Variants in THSD7B observed in about 807,000 individuals in gnomAD.
The protein encoded by THSD7B is thrombospondin type 1 domain containing 7B.
In THSD7B, 138 loss-of-function variants were observed where a neutral mutation model predicts 213.6. The ratio of observed to expected loss-of-function variants is 0.65; its 90% confidence interval spans 0.56 to 0.74. The LOEUF (loss-of-function observed/expected upper bound fraction) is 0.74. Among genes scored for constraint, THSD7B ranks in the 30% least tolerant of loss-of-function variants. The probability of loss-of-function intolerance (pLI) is 0.00; values close to 1 mark genes in which losing one functional copy is unlikely to be tolerated. For missense variants in THSD7B, 1,931 were observed against 1,991.5 expected, an observed-to-expected ratio of 0.97 and a Z score of 0.58; for synonymous variants, 742 against 687.0, an observed-to-expected ratio of 1.08 and a Z score of -1.25.
At chr2:137,407,829 G>C (rs1301512544) in intron 13 of THSD7B, among the ~76,000 whole-genome samples, 1 of 151,752 alleles carries the variant, frequency 6.6e-6, no homozygotes, top group Non-Finnish European at 1.5e-5. Flanking sequence ...GTCATCACAG[G>C]TTTTAGACTC....
chr2:137,202,305 C>CTA (rs1371464000), intron 7 of THSD7B, among the ~76,000 whole-genome samples: 2 of 151,964 alleles, frequency 1.3e-5, no homozygotes, highest in Non-Finnish European at 2.9e-5. Context: ...AGGGTGTCTG[C>CTA]TAATGTGGTT....
chr2:137,283,549 T>C (rs1683089019), intron 12 of THSD7B, among the ~76,000 whole-genome samples: 1 of 152,186 alleles, frequency 6.6e-6, no homozygotes. Flanking sequence ...CATAGATAGC[T>C]CTTATTATTT....
chr2:137,075,280 C>A (rs991220353), intron 3 of THSD7B, among the ~76,000 whole-genome samples: 1 of 152,086 alleles, frequency 6.6e-6, no homozygotes, highest in African/African-American at 2.4e-5. Flanking sequence ...AGGCTTTGTT[C>A]ATTTCTTTTT....
chr2:137,306,656 T>C (rs1683753942), intron 12 of THSD7B, among the ~76,000 whole-genome samples: 1 of 152,074 alleles, frequency 6.6e-6, no homozygotes, highest in South Asian at 2.1e-4. Flanking sequence ...TTTCATGCTG[T>C]CCTGTCTTTT....
chr2:137,405,368 T>C (rs1686491506), intron 12 of THSD7B, among the ~76,000 whole-genome samples: 1 of 152,168 alleles, frequency 6.6e-6, no homozygotes, highest in Non-Finnish European at 1.5e-5. Flanking sequence ...CTGGAAGTTA[T>C]TTTGGTTGCT....
chr2:137,416,960 T>G (rs1189772378), intron 14 of THSD7B, among the ~76,000 whole-genome samples: 1 of 152,238 alleles, frequency 6.6e-6, no homozygotes, highest in Non-Finnish European at 1.5e-5. Flanking sequence ...CATCAAATTA[T>G]GAAATGAAAA....
intron 5 of THSD7B, among the ~76,000 whole-genome samples, chr2:137,142,938 C>A (rs932041646): frequency 6.6e-6 from 1 of 152,122 alleles, no homozygotes; most frequent in Non-Finnish European, 1.5e-5. Context: ...CTCCCTCAAT[C>A]TATTCATGCA....
intron 21 of THSD7B, among the ~76,000 whole-genome samples, chr2:137,646,270 G>A (rs1683029168): frequency 6.6e-6 from 1 of 152,064 alleles, no homozygotes; most frequent in Non-Finnish European, 1.5e-5. Context: ...TTATAAAAGA[G>A]GCCTGAAGGA....
intron 5 of THSD7B, among the ~76,000 whole-genome samples, chr2:137,121,828 G>A (rs1688552318): frequency 6.6e-6 from 1 of 152,156 alleles, no homozygotes; most frequent in South Asian, 2.1e-4. Flanking sequence ...TATTGAGTTT[G>A]ATTGAATTCT....
Position 136,906,936 on chromosome 2 carries a change from G to GTT in THSD7B, c.139+24647_139+24648dup, listed in dbSNP as rs57887270. ...ATTCATAGATTCCTTACATTTCAAG[G>GTT]TTTTTTTTTTTTTTTTTTTTTTTTT... is the stretch of plus-strand genomic sequence containing the variant. On this transcript the variant is annotated intron_variant, in intron 2 of 27. Transcript: ENST00000409968. Among the ~76,000 whole-genome samples the GTT allele has an allele frequency of 2.9e-3, 158 of 55,126 alleles. 30 individuals carry two copies. The highest frequency in any genetic ancestry group is 4.3e-3 in the African/African-American group (48 of 11,280). 36.2% of individuals were successfully genotyped at this position (55,126 alleles called of 152,430 possible).
chr2:137,028,000 A>G (rs1366441246), intron 2 of THSD7B, among the ~76,000 whole-genome samples: 1 of 152,158 alleles, frequency 6.6e-6, no homozygotes, highest in Non-Finnish European at 1.5e-5. Context: ...GCATTCAGTA[A>G]ATGTTAGCTA....
At chr2:137,165,652 G>A (rs1454368992) in intron 6 of THSD7B, among the ~76,000 whole-genome samples, 1 of 152,052 alleles carries the variant, frequency 6.6e-6, no homozygotes, top group African/African-American at 2.4e-5. Flanking sequence ...TGGGATATAA[G>A]CGGGAGTGTT....
chr2:137,356,881 A>G (rs575685759), intron 12 of THSD7B, among the ~76,000 whole-genome samples: 89 of 152,004 alleles, frequency 5.9e-4, no homozygotes, highest in African/African-American at 9.4e-4. Context: ...TCAGTAATAC[A>G]GTGTCAATAC....
At chr2:137,377,384 C>A (rs1415254712) in intron 12 of THSD7B, among the ~76,000 whole-genome samples, 1 of 151,870 alleles carries the variant, frequency 6.6e-6, no homozygotes, top group Non-Finnish European at 1.5e-5. Flanking sequence ...ATATTAATTC[C>A]TTATTTGTGG....
rs755273908 is a variant in THSD7B at position 137,405,796 on chromosome 2, G to A, written c.2684G>A (p.Arg895Gln). ...TGTGAAGCCACAAAAAGTAGGCGGCGACAGCTCACAGGTATAGTGTGCATT... is the reference window on the plus strand; with the variant it reads ...TGTGAAGCCACAAAAAGTAGGCGGCAACAGCTCACAGGTATAGTGTGCATT... ...TNCEATKSRR[R>Q]QLTGKSRKKE... Residue 895 changes from arginine (R) to glutamine (Q), a missense_variant, in exon 13 of 28, where the codon CGA (arginine) becomes CAA (glutamine). Arg to Gln is a conservative substitution (Grantham distance 43). Coordinates refer to ENST00000409968, the MANE Select transcript of THSD7B (RefSeq NM_001316349.2). 1.2e-6 allele frequency: 2 copies of A among 1,611,152 alleles called. No homozygotes were observed. The highest frequency in any genetic ancestry group is 2.2e-5 in the East Asian group (1 of 44,782).
intron 20 of THSD7B, among the ~76,000 whole-genome samples, chr2:137,622,051 G>T (rs1440148848): frequency 6.6e-6 from 1 of 152,130 alleles, no homozygotes; most frequent in Non-Finnish European, 1.5e-5. Context: ...CCCAGGGAGG[G>T]CATTAATCCA....
chr2:137,175,044 G>A (rs568708901), intron 7 of THSD7B, among the ~76,000 whole-genome samples: 63 of 152,332 alleles, frequency 4.1e-4, no homozygotes, highest in African/African-American at 1.5e-3. Flanking sequence ...ACCACCAAGT[G>A]ACATCTTCAA....
rs141584245 is a variant in THSD7B, at chr2:136,873,144, CT to C, written c.-35-8999del. Among the ~76,000 whole-genome samples, 818 of 150,416 alleles carry C rather than the reference CT, an allele frequency of 5.4e-3. 31 individuals are homozygous for C. The South Asian group carries it at 0.086, about 16-fold the overall frequency. On this transcript the variant is annotated intron_variant, in intron 1 of 27. Coordinates refer to ENST00000409968, the MANE Select transcript of THSD7B (RefSeq NM_001316349.2). ...AACCTATTTCAATCCCTCTTTTTAT[CT>C]GTTATGTCCAGTGGCAAAAGTTTGT...
intron 1 of THSD7B, among the ~76,000 whole-genome samples, chr2:136,821,259 A>G (rs1682559607): frequency 6.6e-6 from 1 of 152,158 alleles, no homozygotes; most frequent in African/African-American, 2.4e-5. Flanking sequence ...TATCCAATGT[A>G]CTAGCTGAGG....
Sources: gnomAD v4.1 joint callset for allele counts (sites outside exome capture counted in the v4.1 genomes callset) on GRCh38, gnomAD v4.1.1 for gene constraint, MANE v1.5 for transcripts, NCBI Gene and HGNC (gene_info 2026-07-23, HGNC 2026-07-21) for gene names.